The following TMEM132D variants were observed in gnomAD, a reference collection of about 807,000 sequenced individuals.
The protein encoded by TMEM132D is mature OL transmembrane protein.
TMEM132D carries 21 observed loss-of-function variants against 62.3 expected under a neutral mutation model. That is an observed-to-expected ratio of 0.34 (90% CI 0.24 to 0.49). The LOEUF (loss-of-function observed/expected upper bound fraction) is 0.49, where lower values mean the gene tolerates loss of function less well. Among genes scored for constraint, TMEM132D ranks in the 20% least tolerant of loss-of-function variants. The pLI is 0.99. For synonymous variants in TMEM132D, 621 were observed against 575.6 expected, an observed-to-expected ratio of 1.08 and a Z score of -1.13; for missense variants, 1,346 against 1,402.8, an observed-to-expected ratio of 0.96 and a Z score of 0.65.
intron 5 of TMEM132D, among the ~76,000 whole-genome samples, chr12:129,086,199 C>CGTGTGTGTGTGTGTGT (rs370714970): frequency 8.6e-6 from 1 of 116,120 alleles, no homozygotes; most frequent in South Asian, 2.8e-4. Flanking sequence ...GTCACGCGCG[C>CGTGTGTGTGTGTGTGT]GCGTGTGTGT....
intron 3 of TMEM132D, among the ~76,000 whole-genome samples, chr12:129,428,523 C>T (rs1305133272): frequency 3.9e-5 from 6 of 152,186 alleles, no homozygotes; most frequent in East Asian, 3.9e-4. Context: ...TTCACCACTA[C>T]GTATGCTGGA....
At chr12:129,481,824 A>G (rs1226820152) in intron 3 of TMEM132D, among the ~76,000 whole-genome samples, 1 of 152,156 alleles carries the variant, frequency 6.6e-6, no homozygotes, top group Non-Finnish European at 1.5e-5. Context: ...GCCCTTAATG[A>G]ATCAGGCACC....
chr12:129,848,057 C>T (rs1052404947), intron 1 of TMEM132D, among the ~76,000 whole-genome samples: 2 of 152,268 alleles, frequency 1.3e-5, no homozygotes, highest in South Asian at 4.1e-4. Flanking sequence ...AATGACTTTG[C>T]ATAATGTGTT....
intron 5 of TMEM132D, among the ~76,000 whole-genome samples, chr12:129,148,065 G>C (rs890124343): frequency 1.3e-5 from 2 of 152,064 alleles, no homozygotes; most frequent in Admixed American, 6.6e-5. Flanking sequence ...ACATCTCCAG[G>C]CTACCATAAT....
intron 1 of TMEM132D, among the ~76,000 whole-genome samples, chr12:129,771,339 A>G (rs1433857660): frequency 6.6e-6 from 1 of 152,198 alleles, no homozygotes; most frequent in Admixed American, 6.5e-5. Context: ...AATGTGGATA[A>G]TAACAGTCCC....
At position 129,342,982 on chromosome 12, in the gene TMEM132D, G is replaced by A. The variant is rs528292037; in HGVS notation, c.1116-5165C>T. ...AACACTTTTACACTGTTGGTGGGAC[G>A]GTAAACTAGTTCAACCATTGTGGAA... On this transcript the variant is annotated intron_variant, in intron 3 of 8. Transcript: ENST00000422113. Among the ~76,000 whole-genome samples the A allele has an allele frequency of 5.3e-5, 8 of 152,098 alleles. No individual in the cohort carries two copies. In the South Asian group the frequency reaches 6.2e-4, roughly 12 times the overall value.
chr12:129,677,935 G>GT (rs1272286669), intron 2 of TMEM132D, among the ~76,000 whole-genome samples: 1 of 148,526 alleles, frequency 6.7e-6, no homozygotes, highest in Admixed American at 6.8e-5. Flanking sequence ...TTATATAAAT[G>GT]TATTTTCTGC....
rs1220383244 is a variant in TMEM132D at position 129,078,536 on chromosome 12, G to C, written c.2113C>G (p.Gln705Glu). 2.5e-6 allele frequency: 4 copies of C among 1,613,366 alleles called. No homozygotes were observed. The highest frequency in any genetic ancestry group is 3.4e-6 in the Non-Finnish European group (4 of 1,179,784). The change falls in exon 8 of 9, where the codon CAG becomes GAG. Residue 705 changes from glutamine to glutamate, a missense_variant and splice_region_variant. By Grantham distance (29) the Gln-to-Glu change is conservative. Coordinates refer to ENST00000422113, the MANE Select transcript of TMEM132D (RefSeq NM_133448.3). ...GTGTCTCAAGCCCTCCTCCATACCT[G>C]TTTTGGCCTCTGCAGAAGTTCCTGA... The part of the protein sequence containing the change: ...VAQELLQRPK[Q>E]EAAISCWVQF...
intron 4 of TMEM132D, among the ~76,000 whole-genome samples, chr12:129,217,822 A>AT (rs1879250238): frequency 2.0e-5 from 3 of 152,164 alleles, no homozygotes; most frequent in African/African-American, 7.2e-5. Context: ...TCCTCATAAC[A>AT]TTTTTTAAGG....
chr12:129,733,785 C>A (rs139541559), intron 1 of TMEM132D, among the ~76,000 whole-genome samples: 2 of 152,040 alleles, frequency 1.3e-5, no homozygotes, highest in Non-Finnish European at 2.9e-5. Flanking sequence ...CCGGCACAGT[C>A]GCTGGGCAGG....
intron 5 of TMEM132D, among the ~76,000 whole-genome samples, chr12:129,192,343 CTA>C (rs1227955862): frequency 7.9e-5 from 12 of 152,226 alleles, no homozygotes; most frequent in South Asian, 2.1e-4. Context: ...TGTATCATCA[CTA>C]GTTTTACTTA....
chr12:129,134,712 G>A (rs1265987646), intron 5 of TMEM132D, among the ~76,000 whole-genome samples: 3 of 152,162 alleles, frequency 2.0e-5, no homozygotes, highest in African/African-American at 4.8e-5. Flanking sequence ...AGACAGACTG[G>A]GTTTGAGGCC....
At chr12:129,207,245 A>C (rs532532838) in intron 5 of TMEM132D, among the ~76,000 whole-genome samples, 36 of 102,088 alleles carry the variant, frequency 3.5e-4, no homozygotes, top group Non-Finnish European at 7.8e-4. Flanking sequence ...GACAGTCAGA[A>C]GATGAATACA....
At chr12:129,344,399 A>G (rs1001400041) in intron 3 of TMEM132D, among the ~76,000 whole-genome samples, 4 of 152,218 alleles carry the variant, frequency 2.6e-5, no homozygotes, top group Non-Finnish European at 5.9e-5. Flanking sequence ...AATCATCTGC[A>G]TGCACCAACT....
At chr12:129,218,109 T>C (rs1879258459) in intron 4 of TMEM132D, among the ~76,000 whole-genome samples, 1 of 152,224 alleles carries the variant, frequency 6.6e-6, no homozygotes, top group African/African-American at 2.4e-5. Context: ...GAAAAGTCTA[T>C]GCCCTTTATC....
At chr12:129,527,677 G>C (rs1876088469) in intron 3 of TMEM132D, among the ~76,000 whole-genome samples, 1 of 152,156 alleles carries the variant, frequency 6.6e-6, no homozygotes, top group Non-Finnish European at 1.5e-5. Context: ...AGAACATGTG[G>C]CTTTTGTTAC....
intron 2 of TMEM132D, among the ~76,000 whole-genome samples, chr12:129,625,898 A>G (rs562761423): frequency 2.6e-4 from 39 of 152,198 alleles, no homozygotes; most frequent in Admixed American, 9.8e-4. Context: ...CAAAAATTAG[A>G]TACACAATTC....
At chr12:129,452,218 A>C (rs1374525336) in intron 3 of TMEM132D, among the ~76,000 whole-genome samples, 1 of 152,228 alleles carries the variant, frequency 6.6e-6, no homozygotes, top group East Asian at 1.9e-4. Context: ...GCAGTGCGTA[A>C]TAGCGCCTGT....
chr12:129,832,096 C>G (rs2137335248), intron 1 of TMEM132D, among the ~76,000 whole-genome samples: 1 of 133,208 alleles, frequency 7.5e-6, no homozygotes, highest in Non-Finnish European at 1.5e-5. Flanking sequence ...ACCATGTTGG[C>G]CAGGCTGGTC....
Sources: gnomAD v4.1 joint callset for allele counts (sites outside exome capture counted in the v4.1 genomes callset) on GRCh38, gnomAD v4.1.1 for gene constraint, MANE v1.5 for transcripts, NCBI Gene and HGNC (gene_info 2026-07-23, HGNC 2026-07-21) for gene names.